Variants in MYH11 observed in about 807,000 individuals in gnomAD.
MYH11 encodes myosin heavy chain 11.
MYH11 carries 80 observed loss-of-function variants against 246.6 expected under a neutral mutation model. The observed-to-expected ratio is 0.32, with a 90% CI of 0.27 to 0.39. MYH11 has a LOEUF of 0.39. Among genes scored for constraint, MYH11 ranks in the 10% least tolerant of loss-of-function variants. MYH11 has a pLI of 1.00. For synonymous variants in MYH11, 1,071 were observed against 1,015.5 expected (o/e 1.05, Z -1.04); for missense variants, 2,158 against 2,546.8 (o/e 0.85, Z 3.29).
rs769680879 is a variant in MYH11 at position 15,718,386 on chromosome 16, C to G, written c.5224G>C (p.Glu1742Gln). ...RRLEARIAQL[E>Q]EELEEEQGNM... is the part of the protein sequence containing the mutation. ...CCCTGCTCCTCCTCCAGCTCCTCCT[C>G]CAGCTGGGCGATCCGGGCCTCCAGG... Residue 1742 changes from glutamate (E) to glutamine (Q), a missense_variant, in exon 37 of 41, where the codon GAG becomes CAG. By Grantham distance (29) the Glu-to-Gln change is conservative. Around this residue, in one of 11 missense-constraint regions of MYH11, gnomAD observed 1,013 missense variants for 993.5 expected, o/e 1.02. Transcript: ENST00000300036. The G allele has an allele frequency of 3.7e-6, 6 of 1,603,752 alleles. No homozygotes were observed. The South Asian group carries it at 6.6e-5, about 18-fold the overall frequency.
intron 4 of MYH11, among the ~76,000 whole-genome samples, chr16:15,790,145 A>G (rs1384417643): frequency 6.6e-6 from 1 of 152,126 alleles, no homozygotes; most frequent in Non-Finnish European, 1.5e-5. Flanking sequence ...TCTCTACTAA[A>G]AATACAAAAA....
intron 14 of MYH11, 139 bp from the exon 15 acceptor site, chr16:15,753,647 G>A: frequency 1.4e-6 from 1 of 734,736 alleles, no homozygotes; most frequent in East Asian, 2.7e-5. Flanking sequence ...ACCATGATGG[G>A]ACTCCACAAA....
chr16:15,780,943 T>C (rs1379323221), intron 6 of MYH11, among the ~76,000 whole-genome samples: 1 of 152,234 alleles, frequency 6.6e-6, no homozygotes, highest in African/African-American at 2.4e-5. Flanking sequence ...GCCAACATCA[T>C]CAGTGCCTGA....
chr16:15,806,427 G>A lies in MYH11; in HGVS notation c.503-7740C>T, dbSNP rs113122719. Reference sequence around the variant, plus strand: ...TGAATTCGTGGCTGCCAGGAGCTGCGGGTAGGAATATGGAGTGACAAAAAA... The same window carrying A: ...TGAATTCGTGGCTGCCAGGAGCTGCAGGTAGGAATATGGAGTGACAAAAAA... On this transcript the variant is annotated intron_variant, in intron 3 of 40. Transcript: ENST00000300036. 8.4e-3 allele frequency among the ~76,000 whole-genome samples: 1,280 copies of A among 152,022 alleles called. 22 individuals are homozygous for A. Among genetic ancestry groups the A allele is most frequent in the African/African-American group, 0.029 (1,222 of 41,448 alleles).
intron 9 of MYH11, among the ~76,000 whole-genome samples, chr16:15,769,577 A>C (rs1200271312): frequency 6.6e-6 from 1 of 152,096 alleles, no homozygotes; most frequent in Admixed American, 6.6e-5. Flanking sequence ...TACAGTGTGC[A>C]CCACCACACC....
chr16:15,719,865 G>T, intron 34 of MYH11, 152 bp from the exon 35 acceptor site: 1 of 1,201,536 alleles, frequency 8.3e-7, no homozygotes, highest in Non-Finnish European at 1.2e-6. Flanking sequence ...GTTCCAGGTG[G>T]CTGGTGGTGC....
At chr16:15,852,223 T>A (rs1472702493) in intron 1 of MYH11, among the ~76,000 whole-genome samples, 1 of 151,642 alleles carries the variant, frequency 6.6e-6, no homozygotes, top group African/African-American at 2.4e-5. Context: ...CCCAAAACCA[T>A]CCTCCCCACT....
intron 4 of MYH11, among the ~76,000 whole-genome samples, chr16:15,795,020 T>C (rs765573363): frequency 3.9e-4 from 60 of 152,146 alleles, no homozygotes; most frequent in Non-Finnish European, 8.2e-4. Flanking sequence ...AACTGCAGGA[T>C]GGGCTGGGCG....
At position 15,747,724 on chromosome 16, in the gene MYH11, C is replaced by T; in HGVS notation, c.2257G>A (p.Ala753Thr). ...GKQACILMIK[A>T]LELDPNLYRI... is the part of the protein sequence containing the mutation. ...TATAAGTTGGGGTCAAGTTCCAGGG[C>T]TTTGATCTGCAAAAGGAAGGAAAGG... The change falls in exon 19 of 41, where the codon GCC becomes ACC. Residue 753 changes from alanine (A) to threonine (T), a missense_variant. Physicochemically the swap from Ala to Thr is moderately conservative, Grantham distance 58. Around this residue, in one of 11 missense-constraint regions of MYH11, gnomAD observed 56 missense variants for 47.2 expected, o/e 1.19. Coordinates refer to ENST00000300036, the MANE Select transcript of MYH11 (RefSeq NM_002474.3). 6.2e-7 allele frequency: 1 copy of T among 1,614,024 alleles called. No homozygotes were observed. The highest frequency in any genetic ancestry group is 8.5e-7 in the Non-Finnish European group (1 of 1,180,006).
At chr16:15,729,869 G>T in intron 27 of MYH11, among the ~76,000 whole-genome samples, 1 of 151,824 alleles carries the variant, frequency 6.6e-6, no homozygotes, top group East Asian at 1.9e-4. Flanking sequence ...TGTATTTTTA[G>T]TAGAGATGGG....
At position 15,798,698 on chromosome 16, in the gene MYH11, AAAG is replaced by A. The variant is rs141564071; in HGVS notation, c.503-14_503-12del. On this transcript the variant is annotated splice_polypyrimidine_tract_variant and intron_variant, in intron 3 of 40. Transcript: ENST00000300036. Reference sequence around the variant, plus strand: ...ACTGGTCCTCCCGATCTGCAAACAGAAAGAAGAAAAAAGAGCCATGAATTAAAA... The same window carrying A: ...ACTGGTCCTCCCGATCTGCAAACAGAAAGAAAAAAGAGCCATGAATTAAAA... 6.1e-3 allele frequency: 9,901 copies of A among 1,613,096 alleles called. 423 individuals are homozygous for A. In the African/African-American group the frequency reaches 0.099, roughly 16 times the overall value.
chr16:15,748,006 G>A lies in MYH11; in HGVS notation c.2180+41C>T, dbSNP rs373453498. On this transcript the variant is annotated intron_variant, in intron 17 of 40. Coordinates refer to ENST00000300036, the MANE Select transcript of MYH11 (RefSeq NM_002474.3). ...AGCATCCATTCCTCCACCCAGTCCC[G>A]CTCACCCCCTGCCCTACCTGGGCCA... 2.7e-4 allele frequency: 441 copies of A among 1,614,002 alleles called. 1 individual carries two copies. Among genetic ancestry groups the A allele is most frequent in the Non-Finnish European group, 3.4e-4 (401 of 1,180,018 alleles).
chr16:15,721,103 G>T (rs552279946), intron 32 of MYH11, 52 bp from the exon 33 acceptor site: 5 of 1,594,770 alleles, frequency 3.1e-6, no homozygotes, highest in Non-Finnish European at 4.3e-6. Context: ...TCATGAAGAC[G>T]ATTGAGAAAC....
At chr16:15,723,293 G>A (rs1485667262) in intron 31 of MYH11, among the ~76,000 whole-genome samples, 2 of 152,130 alleles carry the variant, frequency 1.3e-5, no homozygotes, top group Non-Finnish European at 1.5e-5. Flanking sequence ...ACTGACATCT[G>A]TAATTTGCTC....
chr16:15,790,612 A>G (rs966635081), intron 4 of MYH11, among the ~76,000 whole-genome samples: 3 of 152,100 alleles, frequency 2.0e-5, no homozygotes, highest in Admixed American at 1.3e-4. Context: ...CTGACCCCTG[A>G]CCTCTAGGGG....
Position 15,703,649 on chromosome 16 carries a change from T to C in MYH11, c.*342A>G. 2.4e-6 allele frequency: 1 copy of C among 424,078 alleles called. No individual in the cohort carries two copies. The highest frequency in any genetic ancestry group is 4.4e-6 in the Non-Finnish European group (1 of 225,372). 26.3% of individuals were successfully genotyped at this position (424,078 alleles called of 1,614,324 possible). On this transcript the variant is annotated 3_prime_UTR_variant, in exon 41 of 41. Transcript: ENST00000300036. The stretch of plus-strand genomic sequence containing the variant: ...TGTTGCCCAGGCTGGAGTGCAATGA[T>C]GCAATTATAGCTCATTGCAGCCTCG...
intron 1 of MYH11, among the ~76,000 whole-genome samples, chr16:15,842,459 A>G (rs757107299): frequency 2.0e-5 from 3 of 152,004 alleles, no homozygotes; most frequent in Non-Finnish European, 4.4e-5. Flanking sequence ...CTGATATCGT[A>G]GCTGATGAAA....
In MYH11 at chr16:15,760,805, G is replaced by A; in HGVS notation, c.1130-147C>T. The A allele has an allele frequency of 4.0e-6, 3 of 745,266 alleles. No individual in the cohort carries two copies. The South Asian group carries it at 4.2e-5, about 10-fold the overall frequency. The allele number at this position is 745,266 out of a possible 1,614,324, so 46.2% of individuals were successfully genotyped here. A position where few individuals can be genotyped will look rare whatever the true frequency, so the allele number is the denominator to read the frequency against. ...GCTGACCATGAATATAGCTTGAAGT[G>A]TCCTAAAGGCTGCTGTCATTAGTGG... On this transcript the variant is annotated intron_variant, in intron 10 of 40. Transcript: ENST00000300036.
At chr16:15,708,793 G>C in intron 40 of MYH11, 1 of 1,606,212 alleles carries the variant, frequency 6.2e-7, no homozygotes, top group South Asian at 1.1e-5. Context: ...CGAAGCTGAA[G>C]GCATGATACC....
Sources: allele counts gnomAD v4.1 joint callset (sites outside exome capture counted in the v4.1 genomes callset), GRCh38; gene constraint gnomAD v4.1.1; regional missense constraint gnomAD v4.1.1; transcripts MANE v1.5; gene names NCBI Gene and HGNC (gene_info 2026-07-23, HGNC 2026-07-21).